MAPT: variants seen among roughly 807,000 people sequenced by gnomAD.
MAPT encodes microtubule associated protein tau.
MAPT carries 34 observed loss-of-function variants against 67.9 expected under a neutral mutation model. That is an observed-to-expected ratio of 0.50 (90% CI 0.38 to 0.67). The LOEUF is 0.67. Among genes scored for constraint, MAPT ranks in the 30% least tolerant of loss-of-function variants. The pLI is 0.00. For synonymous variants in MAPT, 456 were observed against 464.5 expected, an observed-to-expected ratio of 0.98 and a Z score of 0.23; for missense variants, 881 against 1,115.2, an observed-to-expected ratio of 0.79 and a Z score of 2.99.
intron 6 of MAPT, among the ~76,000 whole-genome samples, chr17:45,987,675 A>C (rs949383187): frequency 7.2e-5 from 11 of 152,370 alleles, no homozygotes; most frequent in African/African-American, 2.6e-4. Flanking sequence ...GAAACACCTG[A>C]ATTTTAATCA....
intron 4 of MAPT, among the ~76,000 whole-genome samples, chr17:45,982,370 T>C (rs1241211485): frequency 2.1e-5 from 3 of 142,330 alleles, no homozygotes; most frequent in Middle Eastern, 3.5e-3. Context: ...CAGTGAGAGG[T>C]AGGGAGAGGA....
chr17:46,020,497 T>C (rs1156622748), intron 12 of MAPT, among the ~76,000 whole-genome samples: 2 of 152,202 alleles, frequency 1.3e-5, no homozygotes, highest in East Asian at 3.9e-4. Flanking sequence ...TGGGGAGTGG[T>C]GGAGGGAAAA....
intron 9 of MAPT, among the ~76,000 whole-genome samples, chr17:46,003,422 G>A (rs1014752790): frequency 6.6e-6 from 1 of 152,064 alleles, no homozygotes; most frequent in African/African-American, 2.4e-5. Context: ...GGGATTACAA[G>A]CACACACCAC....
At chr17:45,933,217 T>A (rs2144726961) in intron 1 of MAPT, among the ~76,000 whole-genome samples, 1 of 151,930 alleles carries the variant, frequency 6.6e-6, no homozygotes. Context: ...TAGTTGGTTT[T>A]ATTACTGTTT....
At position 45,957,906 on chromosome 17, in the gene MAPT, T is replaced by C. The variant is rs113652525; in HGVS notation, c.-17-4415T>C. 2.7e-3 allele frequency among the ~76,000 whole-genome samples: 407 copies of C among 150,600 alleles called. 4 individuals carry two copies. Among genetic ancestry groups the C allele is most frequent in the African/African-American group, 9.5e-3 (389 of 40,998 alleles). ...TCTGGAAGACAAACTTACAAGAAGGTCAAATAATTTTGAAAAAGAAAATGA... is the reference window on the plus strand; with the variant it reads ...TCTGGAAGACAAACTTACAAGAAGGCCAAATAATTTTGAAAAAGAAAATGA... On this transcript the variant is annotated intron_variant, in intron 1 of 12. Coordinates refer to ENST00000262410, the MANE Select transcript of MAPT (RefSeq NM_001377265.1).
At chr17:45,987,439 A>G (rs2073665089) in intron 6 of MAPT, among the ~76,000 whole-genome samples, 1 of 152,228 alleles carries the variant, frequency 6.6e-6, no homozygotes, top group Admixed American at 6.5e-5. Flanking sequence ...GCCCTAGGAC[A>G]GTAAATGAAG....
At chr17:45,943,382 G>T (rs760497359) in intron 1 of MAPT, among the ~76,000 whole-genome samples, 1 of 152,006 alleles carries the variant, frequency 6.6e-6, no homozygotes, top group Non-Finnish European at 1.5e-5. Context: ...TGTGTTCAGC[G>T]GACACTGTTT....
intron 9 of MAPT, among the ~76,000 whole-genome samples, chr17:46,009,583 TGGAAGGAGAAGG>T (rs2075682623): frequency 6.6e-6 from 1 of 151,966 alleles, no homozygotes; most frequent in Non-Finnish European, 1.5e-5. Flanking sequence ...GGTGGGTGGA[TGGAAGGAGAAGG>T]CACAGCCCCC....
intron 1 of MAPT, among the ~76,000 whole-genome samples, chr17:45,942,332 G>T (rs182283168): frequency 1.3e-5 from 2 of 152,294 alleles, no homozygotes; most frequent in Admixed American, 1.3e-4. Flanking sequence ...AAAGCAGTTG[G>T]CTTCGCCCAG....
At chr17:45,913,308 C>T (rs1184198441) in intron 1 of MAPT, among the ~76,000 whole-genome samples, 1 of 152,178 alleles carries the variant, frequency 6.6e-6, no homozygotes. Flanking sequence ...TAGACTTATT[C>T]ACTATCAAGA....
At chr17:45,978,469 C>T in intron 4 of MAPT, 29 bp downstream of exon 4, 3 of 1,148,140 alleles carry the variant, frequency 2.6e-6, no homozygotes, top group Non-Finnish European at 3.8e-6. Context: ...CCTGCCATGA[C>T]TTGGGGGTTG....
chr17:45,950,294 T>C (rs1239701642), intron 1 of MAPT, among the ~76,000 whole-genome samples: 3 of 152,142 alleles, frequency 2.0e-5, no homozygotes, highest in African/African-American at 7.2e-5. Context: ...GTGGGCGAGA[T>C]GCCTGGGGTT....
chr17:45,978,465 A>C, intron 4 of MAPT, 25 bp downstream of exon 4: 1 of 884,116 alleles, frequency 1.1e-6, no homozygotes, highest in Non-Finnish European at 1.8e-6. Context: ...ATTGCCTGCC[A>C]TGACTTGGGG....
At position 45,977,913 on chromosome 17, in the gene MAPT, C is replaced by T. The variant is rs1171640080; in HGVS notation, c.221-462C>T. Reference sequence around the variant, plus strand: ...GGTTCAAGATGAGGAAATGGAGGCTCAGAGAGGTTGAATGAATGCCGGTGC... The same window carrying T: ...GGTTCAAGATGAGGAAATGGAGGCTTAGAGAGGTTGAATGAATGCCGGTGC... On this transcript the variant is annotated intron_variant, in intron 3 of 12. Transcript: ENST00000262410. 2.2e-5 allele frequency: 4 copies of T among 179,174 alleles called. No homozygotes were observed. In the East Asian group the frequency reaches 5.7e-4, roughly 26 times the overall value. 11.1% of individuals were successfully genotyped at this position (179,174 alleles called of 1,614,324 possible). A position where few individuals can be genotyped will look rare whatever the true frequency, so the allele number is the denominator to read the frequency against.
In MAPT at chr17:46,024,571, G is replaced by GC. The variant is rs2076725550; in HGVS notation, c.*403dup. On this transcript the variant is annotated 3_prime_UTR_variant, in exon 13 of 13. Transcript: ENST00000262410. ...GGACTGGGGGTGCCAACCACCTCTGGCCCTGTTGTGGGGGTGTCACAGAGG... is the reference window on the plus strand; with the variant it reads ...GGACTGGGGGTGCCAACCACCTCTGGCCCCTGTTGTGGGGGTGTCACAGAGG... The GC allele has an allele frequency of 3.0e-6, 1 of 332,556 alleles. No individual in the cohort carries two copies. The highest frequency in any genetic ancestry group is 5.8e-6 in the Non-Finnish European group (1 of 173,074). 20.6% of individuals were successfully genotyped at this position (332,556 alleles called of 1,614,324 possible).
chr17:46,010,431 G>A lies in MAPT; in HGVS notation c.2091+29G>A, dbSNP rs63751443. On this transcript the variant is annotated intron_variant, in intron 10 of 12. Transcript: ENST00000262410. This position sits in a 1 kb window ranked among gnomAD's most constrained non-coding sequence, Gnocchi z 4.7. ...AGTACCTTCACACGTCCCATGCGCCGTGCTGTGGCTTGAATTATTAGGAAG... is the reference window on the plus strand; with the variant it reads ...AGTACCTTCACACGTCCCATGCGCCATGCTGTGGCTTGAATTATTAGGAAG... 3.4e-3 allele frequency: 4,940 copies of A among 1,460,154 alleles called. 13 individuals are homozygous for A. The highest frequency in any genetic ancestry group is 4.2e-3 in the Non-Finnish European group (4,405 of 1,061,364). The allele number at this position is 1,460,154 out of a possible 1,614,324, so 90.4% of individuals were successfully genotyped here.
chr17:45,955,598 G>A (rs557714459), intron 1 of MAPT, among the ~76,000 whole-genome samples: 53 of 152,328 alleles, frequency 3.5e-4, no homozygotes, highest in African/African-American at 1.2e-3. Flanking sequence ...GTGCAGAGAA[G>A]GGGTGTTGGC....
chr17:45,978,473 G>T (rs1221084728), intron 4 of MAPT, 33 bp downstream of exon 4: 2 of 1,578,238 alleles, frequency 1.3e-6, no homozygotes, highest in Non-Finnish European at 1.7e-6. Context: ...CCATGACTTG[G>T]GGGTTGGGGG....
intron 5 of MAPT, among the ~76,000 whole-genome samples, chr17:45,986,305 T>TG (rs1039508652): frequency 5.3e-5 from 8 of 152,148 alleles, no homozygotes; most frequent in Non-Finnish European, 8.8e-5. Context: ...GGGCAGGCCC[T>TG]GGGGGTACAA....
Sources: allele counts gnomAD v4.1 joint callset (sites outside exome capture counted in the v4.1 genomes callset), GRCh38; gene constraint gnomAD v4.1.1; non-coding constraint Gnocchi (gnomAD v3.1); transcripts MANE v1.5; gene names NCBI Gene and HGNC (gene_info 2026-07-23, HGNC 2026-07-21).